CECR2: variants seen among roughly 807,000 people sequenced by gnomAD.
CECR2 encodes the protein CECR2 histone acetyl-lysine reader.
In CECR2, 30 loss-of-function variants were observed where a neutral mutation model predicts 154.5. That is an observed-to-expected ratio of 0.19 (90% CI 0.15 to 0.26). CECR2 has a LOEUF of 0.26. CECR2 is among the 10% of genes least tolerant of loss of function. The pLI is 1.00. For synonymous variants in CECR2, 725 were observed against 683.7 expected, an observed-to-expected ratio of 1.06 and a Z score of -0.94; for missense variants, 1,743 against 1,829.3, an observed-to-expected ratio of 0.95 and a Z score of 0.86.
chr22:17,501,551 C>G (rs1465984105), intron 5 of CECR2, among the ~76,000 whole-genome samples: 1 of 151,782 alleles, frequency 6.6e-6, no homozygotes, highest in Admixed American at 6.6e-5. Flanking sequence ...CAGCGATACT[C>G]CATCTCAAAA....
intron 1 of CECR2, among the ~76,000 whole-genome samples, chr22:17,391,700 A>G (rs1003607331): frequency 6.6e-6 from 1 of 152,274 alleles, no homozygotes; most frequent in Non-Finnish European, 1.5e-5. Flanking sequence ...TGACAAATAA[A>G]TTGAATGATC....
intron 1 of CECR2, among the ~76,000 whole-genome samples, chr22:17,414,983 GT>G (rs2054135242): frequency 6.6e-6 from 1 of 152,182 alleles, no homozygotes; most frequent in South Asian, 2.1e-4. Context: ...ATTTTAGACA[GT>G]GTAAAATATA....
chr22:17,426,814 T>C (rs1019674572), intron 1 of CECR2, among the ~76,000 whole-genome samples: 3 of 152,198 alleles, frequency 2.0e-5, no homozygotes, highest in Admixed American at 6.5e-5. Context: ...CTGTGTCCTA[T>C]AAATTGGTGG....
intron 1 of CECR2, among the ~76,000 whole-genome samples, chr22:17,471,868 A>G (rs922457830): frequency 7.2e-5 from 11 of 152,134 alleles, no homozygotes; most frequent in Admixed American, 6.6e-4. Context: ...AGACTCATGG[A>G]ACTTCTTCTT....
In CECR2 at chr22:17,497,686, C is replaced by T. The variant is rs190143306; in HGVS notation, c.405+100C>T. Reference sequence around the variant, plus strand: ...CCAAAGATACTAAGCCAGAGTTTGGCTTGTGGTACTAGTCTTGGTACTATT... The same window carrying T: ...CCAAAGATACTAAGCCAGAGTTTGGTTTGTGGTACTAGTCTTGGTACTATT... On this transcript the variant is annotated intron_variant, in intron 3 of 18. Transcript: ENST00000262608. 1.9e-4 allele frequency: 222 copies of T among 1,157,726 alleles called. 1 individual carries two copies. The African/African-American group carries it at 3.2e-3, about 17-fold the overall frequency. 71.7% of individuals were successfully genotyped at this position (1,157,726 alleles called of 1,614,324 possible). A position where few individuals can be genotyped will look rare whatever the true frequency, so the allele number is the denominator to read the frequency against.
At position 17,542,928 on chromosome 22, in the gene CECR2, G is replaced by T. The variant is rs1325305380; in HGVS notation, c.2785G>T (p.Ala929Ser). Reference sequence around the variant, plus strand: ...TCACCCAATGTCAGTCACTGTGTCAGCCCCCAAGCCTGCCCTGGGCAACCC... The same window carrying T: ...TCACCCAATGTCAGTCACTGTGTCATCCCCCAAGCCTGCCCTGGGCAACCC... ...VAHPMSVTVS[A>S]PKPALGNPGR... Residue 929 changes from alanine (A) to serine (S), a missense_variant, in exon 16 of 19, where the codon GCC (alanine) becomes TCC (serine). Transcript: ENST00000262608. 2.5e-6 allele frequency: 4 copies of T among 1,613,780 alleles called. No homozygotes were observed. The highest frequency in any genetic ancestry group is 1.3e-5 in the African/African-American group (1 of 74,888).
chr22:17,500,205 C>T (rs575687526), intron 4 of CECR2, among the ~76,000 whole-genome samples: 779 of 77,766 alleles, frequency 0.01, 7 homozygotes, highest in African/African-American at 0.038. Flanking sequence ...AGCGAGACTC[C>T]ATCAAAAAAA....
chr22:17,382,006 G>C (rs1055723487), intron 1 of CECR2, among the ~76,000 whole-genome samples: 33 of 151,452 alleles, frequency 2.2e-4, no homozygotes, highest in Non-Finnish European at 4.4e-4. Flanking sequence ...TCCTGCCTCA[G>C]TCTCCCTAGT....
chr22:17,377,919 G>C (rs2063135651), intron 1 of CECR2, among the ~76,000 whole-genome samples: 1 of 152,194 alleles, frequency 6.6e-6, no homozygotes. Flanking sequence ...CAGCACTATT[G>C]ATAGTTTGAT....
chr22:17,380,850 T>C (rs1426562655), intron 1 of CECR2, among the ~76,000 whole-genome samples: 18 of 152,244 alleles, frequency 1.2e-4, no homozygotes, highest in South Asian at 8.3e-4. Flanking sequence ...CCGGTTCCTT[T>C]TAATGAACAG....
intron 1 of CECR2, among the ~76,000 whole-genome samples, chr22:17,402,839 C>T (rs1008767858): frequency 6.7e-6 from 1 of 149,516 alleles, no homozygotes; most frequent in South Asian, 2.1e-4. Context: ...CTCACTGCAA[C>T]CTCCGCCTCC....
chr22:17,536,211 A>G (rs942141221), intron 9 of CECR2, among the ~76,000 whole-genome samples: 31 of 152,116 alleles, frequency 2.0e-4, no homozygotes, highest in African/African-American at 7.0e-4. Flanking sequence ...TGGCGCCATT[A>G]CACTCCAGCC....
chr22:17,444,840 T>C (rs1342830231), intron 1 of CECR2, among the ~76,000 whole-genome samples: 1 of 152,180 alleles, frequency 6.6e-6, no homozygotes, highest in African/African-American at 2.4e-5. Context: ...CACCGTTGGG[T>C]TTACTGTGTT....
At chr22:17,376,556 TGTG>T (rs1242978687) in intron 1 of CECR2, among the ~76,000 whole-genome samples, 1 of 151,834 alleles carries the variant, frequency 6.6e-6, no homozygotes, top group African/African-American at 2.4e-5. Flanking sequence ...TAGGTAAAAA[TGTG>T]GTGTGTGGAC....
intron 1 of CECR2, among the ~76,000 whole-genome samples, chr22:17,426,653 G>A (rs1027939974): frequency 1.3e-5 from 2 of 152,144 alleles, no homozygotes; most frequent in African/African-American, 2.4e-5. Context: ...CACTATGCCC[G>A]GCCTAAATAT....
chr22:17,536,058 G>A (rs1334385276), intron 9 of CECR2, among the ~76,000 whole-genome samples: 1 of 152,122 alleles, frequency 6.6e-6, no homozygotes, highest in Non-Finnish European at 1.5e-5. Context: ...AGACCAGCCT[G>A]ACCAACATGG....
chr22:17,373,017 A>C (rs1478942503), intron 1 of CECR2, among the ~76,000 whole-genome samples: 1 of 152,174 alleles, frequency 6.6e-6, no homozygotes, highest in Non-Finnish European at 1.5e-5. Context: ...CCACTTAGAA[A>C]ACTGTCCCCA....
chr22:17,540,842 G>A (rs751535412), intron 14 of CECR2, 42 bp downstream of exon 14: 1 of 1,499,582 alleles, frequency 6.7e-7, no homozygotes, highest in Non-Finnish European at 8.9e-7. Context: ...CTCCTAGTTT[G>A]TGAGTTCATA....
rs555551958 is a variant in CECR2, at chr22:17,392,443, G to A, written c.126+22534G>A. 1.5e-4 allele frequency among the ~76,000 whole-genome samples: 23 copies of A among 152,114 alleles called. No homozygotes were observed. In the South Asian group the frequency reaches 1.9e-3, roughly 12 times the overall value. Reference sequence around the variant, plus strand: ...GCGGAGGTTGCAGTGAGCCAAGATCGTGCCATTGCACTCCAGCCTGGGCGA... The same window carrying A: ...GCGGAGGTTGCAGTGAGCCAAGATCATGCCATTGCACTCCAGCCTGGGCGA... On this transcript the variant is annotated intron_variant, in intron 1 of 18. Transcript: ENST00000262608.
Sources: allele counts gnomAD v4.1 joint callset (sites outside exome capture counted in the v4.1 genomes callset), GRCh38; gene constraint gnomAD v4.1.1; transcripts MANE v1.5; gene names NCBI Gene and HGNC (gene_info 2026-07-23, HGNC 2026-07-21).